Variants in THADA observed in about 807,000 individuals in gnomAD.
THADA encodes the protein tRNA (32-2'-O)-methyltransferase regulator THADA.
A neutral mutation model predicts 219.8 loss-of-function variants in THADA; 213 were observed. The ratio of observed to expected loss-of-function variants is 0.97; its 90% CI spans 0.87 to 1.09. THADA has a LOEUF of 1.09. Ranked by LOEUF, THADA falls within the 50% of genes least tolerant of loss-of-function variation. The pLI, the probability that THADA is intolerant of heterozygous loss-of-function variation, is 0.00. For synonymous variants in THADA, 1,018 were observed against 828.9 expected, an observed-to-expected ratio of 1.23 and a Z score of -3.92; for missense variants, 2,956 against 2,311.3, an observed-to-expected ratio of 1.28 and a Z score of -5.72.
At chr2:43,354,239 A>T (rs1162288629) in intron 29 of THADA, among the ~76,000 whole-genome samples, 1 of 151,344 alleles carries the variant, frequency 6.6e-6, no homozygotes, top group Non-Finnish European at 1.5e-5. Context: ...TACAGGCATG[A>T]GCCACCATGC....
intron 31 of THADA, among the ~76,000 whole-genome samples, chr2:43,306,964 T>C (rs1258558300): frequency 6.6e-6 from 1 of 152,196 alleles, no homozygotes; most frequent in Non-Finnish European, 1.5e-5. Context: ...CCCAATCCTC[T>C]GAGGGTATTA....
intron 29 of THADA, among the ~76,000 whole-genome samples, chr2:43,377,888 A>C (rs1413593905): frequency 1.3e-5 from 2 of 152,174 alleles, no homozygotes; most frequent in Non-Finnish European, 2.9e-5. Flanking sequence ...AAGGCACCAG[A>C]CACCGCAAAA....
chr2:43,527,530 A>C (rs1186793526), intron 22 of THADA, among the ~76,000 whole-genome samples: 1 of 152,190 alleles, frequency 6.6e-6, no homozygotes, highest in East Asian at 1.9e-4. Flanking sequence ...AACCCCAAAA[A>C]TTGCAAGGCC....
intron 36 of THADA, among the ~76,000 whole-genome samples, chr2:43,246,829 A>G (rs960978861): frequency 1.3e-5 from 2 of 152,176 alleles, no homozygotes; most frequent in Non-Finnish European, 2.9e-5. Flanking sequence ...GAGTGACTAC[A>G]TTTCCCAAAG....
intron 26 of THADA, among the ~76,000 whole-genome samples, chr2:43,435,675 T>C (rs1679996727): frequency 1.3e-5 from 2 of 150,056 alleles, no homozygotes; most frequent in African/African-American, 4.9e-5. Context: ...CCCAGCTACT[T>C]AGGAGGCTGA....
At chr2:43,495,071 G>A (rs1688097536) in intron 25 of THADA, among the ~76,000 whole-genome samples, 1 of 152,068 alleles carries the variant, frequency 6.6e-6, no homozygotes, top group African/African-American at 2.4e-5. Flanking sequence ...TCAAAGTTCT[G>A]CAAATCAAAC....
At chr2:43,388,406 A>C (rs190829510) in intron 29 of THADA, among the ~76,000 whole-genome samples, 1 of 152,160 alleles carries the variant, frequency 6.6e-6, no homozygotes, top group Non-Finnish European at 1.5e-5. Flanking sequence ...GATGGAAAGC[A>C]TATCTTCCAA....
chr2:43,267,903 C>A (rs904502380), intron 36 of THADA, among the ~76,000 whole-genome samples: 1 of 152,128 alleles, frequency 6.6e-6, no homozygotes, highest in African/African-American at 2.4e-5. Flanking sequence ...TGCTTGAAAC[C>A]CCAGAAAATA....
chr2:43,385,690 C>T (rs1672590785), intron 29 of THADA, among the ~76,000 whole-genome samples: 1 of 145,066 alleles, frequency 6.9e-6, no homozygotes, highest in Admixed American at 6.8e-5. Flanking sequence ...ACATGTAAAA[C>T]TCATCTGTCT....
rs78229457 is a variant in THADA, at chr2:43,461,997, G to C, written c.3836+23237C>G. Among the ~76,000 whole-genome samples the C allele has an allele frequency of 9.7e-4, 147 of 152,250 alleles. 1 individual carries two copies. The highest frequency in any genetic ancestry group is 3.3e-3 in the African/African-American group (139 of 41,558). On this transcript the variant is annotated intron_variant, in intron 26 of 37. Coordinates refer to ENST00000405975, the MANE Select transcript of THADA (RefSeq NM_022065.5). Reference sequence around the variant, plus strand: ...CAGAGGGAACAGAGTTTAAACCCAAGCTTTAATCTACCTTAACATTTACCA... The same window carrying C: ...CAGAGGGAACAGAGTTTAAACCCAACCTTTAATCTACCTTAACATTTACCA...
chr2:43,578,505 G>A lies in THADA; in HGVS notation c.816+8C>T. On this transcript the variant is annotated splice_region_variant and intron_variant, in intron 9 of 37. Coordinates refer to ENST00000405975, the MANE Select transcript of THADA (RefSeq NM_022065.5). ...TAAAGTACAATTCTAAAAAGGAGATGCACTTACCAAATGAGGAATCTTTTC... is the reference window on the plus strand; with the variant it reads ...TAAAGTACAATTCTAAAAAGGAGATACACTTACCAAATGAGGAATCTTTTC... 1 of 1,595,284 alleles carries A rather than the reference G, an allele frequency of 6.3e-7. No homozygotes were observed.
At chr2:43,570,538 G>A in intron 13 of THADA, 28 bp from the exon 14 acceptor site, 1 of 1,589,126 alleles carries the variant, frequency 6.3e-7, no homozygotes, top group Non-Finnish European at 8.5e-7. Flanking sequence ...ATGAAGCACA[G>A]GTGAGCCACA....
intron 36 of THADA, among the ~76,000 whole-genome samples, chr2:43,264,402 C>T (rs1382523457): frequency 6.6e-6 from 1 of 151,842 alleles, no homozygotes; most frequent in African/African-American, 2.4e-5. Context: ...TCTCCTGCCT[C>T]AGCCTCCCGA....
At chr2:43,366,209 A>C (rs1473391711) in intron 29 of THADA, among the ~76,000 whole-genome samples, 2 of 152,212 alleles carry the variant, frequency 1.3e-5, no homozygotes, top group African/African-American at 4.8e-5. Flanking sequence ...ATATTTAGCA[A>C]GTTAAATGGG....
At chr2:43,540,048 G>A (rs897707002) in intron 21 of THADA, among the ~76,000 whole-genome samples, 1 of 152,178 alleles carries the variant, frequency 6.6e-6, no homozygotes, top group Non-Finnish European at 1.5e-5. Context: ...GGAAAGAGAA[G>A]TTGGGAAATC....
chr2:43,254,041 C>T (rs139584354), intron 36 of THADA, among the ~76,000 whole-genome samples: 259 of 152,120 alleles, frequency 1.7e-3, no homozygotes, highest in African/African-American at 6.1e-3. Context: ...CCCTCAACTC[C>T]AGGCATGGGT....
intron 29 of THADA, among the ~76,000 whole-genome samples, chr2:43,357,962 G>A (rs1257106141): frequency 6.6e-6 from 1 of 152,130 alleles, no homozygotes; most frequent in South Asian, 2.1e-4. Flanking sequence ...CATAGTCAGT[G>A]TACCTTTCAC....
intron 20 of THADA, among the ~76,000 whole-genome samples, chr2:43,542,613 C>T (rs1008246030): frequency 6.6e-6 from 1 of 152,192 alleles, no homozygotes; most frequent in Non-Finnish European, 1.5e-5. Context: ...CACAACAAAG[C>T]AGCTCCCATT....
rs1470478371 is a variant in THADA, at chr2:43,551,716, G to A, written c.2947+73C>T. The A allele has an allele frequency of 4.5e-6, 6 of 1,345,000 alleles. No individual in the cohort carries two copies. In the East Asian group the frequency reaches 1.3e-4, roughly 29 times the overall value. 83.3% of individuals were successfully genotyped at this position (1,345,000 alleles called of 1,614,324 possible). A position where few individuals can be genotyped will look rare whatever the true frequency, so the allele number is the denominator to read the frequency against. On this transcript the variant is annotated intron_variant, in intron 19 of 37. Transcript: ENST00000405975. ...TTATATCTCCCCAAAGAAATACTTG[G>A]GGAAAAAAAAAAAGAGGTAAAGACA...
Sources: gnomAD v4.1 joint callset for allele counts (sites outside exome capture counted in the v4.1 genomes callset) on GRCh38, gnomAD v4.1.1 for gene constraint, MANE v1.5 for transcripts, NCBI Gene and HGNC (gene_info 2026-07-23, HGNC 2026-07-21) for gene names.